The following ITGAD variants were observed in gnomAD, a reference collection of about 807,000 sequenced individuals.
The protein encoded by ITGAD is integrin subunit alpha D.
A neutral mutation model predicts 139.0 loss-of-function variants in ITGAD; 105 were observed. That is an observed-to-expected ratio of 0.76 (90% CI 0.65 to 0.89). The LOEUF is 0.89. Ranked by LOEUF, ITGAD falls within the 40% of genes least tolerant of loss-of-function variation. The probability of loss-of-function intolerance (pLI) is 0.00; values close to 1 mark genes in which losing one functional copy is unlikely to be tolerated. For missense variants in ITGAD, 1,384 were observed against 1,487.3 expected (o/e 0.93, Z 1.14); for synonymous variants, 569 against 598.3 (o/e 0.95, Z 0.71).
In ITGAD at chr16:31,410,433, G is replaced by C; in HGVS notation, c.1122G>C (p.Trp374Cys). 6.2e-7 allele frequency: 1 copy of C among 1,613,996 alleles called. No homozygotes were observed. Among genetic ancestry groups the C allele is most frequent in the Non-Finnish European group, 8.5e-7 (1 of 1,179,976 alleles). Residue 374 changes from tryptophan (W) to cysteine (C), a missense_variant, in exon 11 of 30, where the codon TGG (tryptophan) becomes TGC (cysteine). Transcript: ENST00000389202. ...LFLGAVGSFSWSGGAFLYPPN... is the reference protein window; with the variant it reads ...LFLGAVGSFSCSGGAFLYPPN... ...TGGGGGCTGTGGGGAGCTTTAGCTG[G>C]TCTGGAGGTGCCTTCCTGTATCCCC...
At chr16:31,408,529 CT>C in intron 10 of ITGAD, 31 bp downstream of exon 10, 1 of 1,581,768 alleles carries the variant, frequency 6.3e-7, no homozygotes, top group Non-Finnish European at 8.7e-7. Flanking sequence ...ATCCATAGCT[CT>C]TGGATACCAA....
chr16:31,411,165 C>A lies in ITGAD; in HGVS notation c.1446C>A (p.Tyr482Ter). Residue 482 changes from tyrosine to a stop codon, truncating the protein, a stop_gained, in exon 13 of 30, where the codon TAC (tyrosine) becomes TAA (stop). Coordinates refer to ENST00000389202, the MANE Select transcript of ITGAD (RefSeq NM_005353.3). LOFTEE classifies it high-confidence loss of function. ...TDLILIGAPHYYEQTRGGQVS... is the reference protein window; with the variant it reads ...TDLILIGAPH Reference sequence around the variant, plus strand: ...TGATCCTCATTGGGGCCCCCCATTACTATGAGCAGACCCGAGGGGGCCAGG... The same window carrying A: ...TGATCCTCATTGGGGCCCCCCATTAATATGAGCAGACCCGAGGGGGCCAGG... 2.5e-6 allele frequency: 4 copies of A among 1,613,918 alleles called. No individual in the cohort carries two copies. Among genetic ancestry groups the A allele is most frequent in the Non-Finnish European group, 3.4e-6 (4 of 1,179,922 alleles).
At chr16:31,397,691 GGGGGTGGGGTGGGGC>G in intron 4 of ITGAD, 25 bp downstream of exon 4, 9 of 1,541,446 alleles carry the variant, frequency 5.8e-6, no homozygotes, top group Non-Finnish European at 7.9e-6. Context: ...TGGGCCACGG[GGGGGTGGGGTGGGGC>G]GGGGGGTGTT....
chr16:31,424,105 T>C lies in ITGAD; in HGVS notation c.3163T>C (p.Leu1055=), dbSNP rs1460990209. ...NLSFGWVRET[L]QKKVLVVSVA... ...GTTTCCCCCAACCCCTTTGCAGACA[T>C]TGCAGAAGAAGGTGTTGGTCGTGAG... Residue 1055 remains leucine, a synonymous_variant, in exon 28 of 30, where the codon TTG becomes CTG. Transcript: ENST00000389202. The C allele has an allele frequency of 1.9e-6, 3 of 1,614,196 alleles. No homozygotes were observed. The highest frequency in any genetic ancestry group is 2.5e-6 in the Non-Finnish European group (3 of 1,180,028).
intron 10 of ITGAD, among the ~76,000 whole-genome samples, chr16:31,408,986 CGT>C: frequency 6.6e-6 from 1 of 152,084 alleles, no homozygotes; most frequent in East Asian, 1.9e-4. Context: ...TTTGGAAGTG[CGT>C]GTGTGTTCAA....
At chr16:31,395,388 C>A (rs997385523) in intron 2 of ITGAD, among the ~76,000 whole-genome samples, 40 of 152,236 alleles carry the variant, frequency 2.6e-4, no homozygotes, top group Middle Eastern at 3.4e-3. Flanking sequence ...GCAGCCCCAC[C>A]TCCCACCGCC....
chr16:31,400,083 A>T (rs2081366139), intron 5 of ITGAD, among the ~76,000 whole-genome samples: 1 of 152,222 alleles, frequency 6.6e-6, no homozygotes, highest in Admixed American at 6.5e-5. Flanking sequence ...TTTGCCACAG[A>T]CCTGGCCTGA....
chr16:31,409,746 C>CA (rs2081632214), intron 10 of ITGAD, among the ~76,000 whole-genome samples: 1 of 150,904 alleles, frequency 6.6e-6, no homozygotes, highest in Non-Finnish European at 1.5e-5. Flanking sequence ...CCTGTCTCTA[C>CA]AAAAAATAAA....
chr16:31,425,951 G>T, intron 29 of ITGAD, 64 bp from the exon 30 acceptor site: 1 of 1,046,244 alleles, frequency 9.6e-7, no homozygotes, highest in Non-Finnish European at 1.5e-6. Flanking sequence ...ACAGTGCTGA[G>T]ATTACAGGTG....
intron 23 of ITGAD, among the ~76,000 whole-genome samples, chr16:31,422,219 C>T (rs1401699305): frequency 2.6e-5 from 4 of 151,882 alleles, no homozygotes; most frequent in Non-Finnish European, 4.4e-5. Context: ...GGATTACAGG[C>T]GTGAGCCACC....
At chr16:31,412,776 T>C in intron 14 of ITGAD, 62 bp from the exon 15 acceptor site, 1 of 1,605,536 alleles carries the variant, frequency 6.2e-7, no homozygotes, top group South Asian at 1.1e-5. Context: ...TTCCCCTTGT[T>C]ACTTATTTCC....
chr16:31,408,469 C>T lies in ITGAD; in HGVS notation c.1054C>T (p.Gln352Ter), dbSNP rs2081595886. 2 of 1,613,944 alleles carry T rather than the reference C, an allele frequency of 1.2e-6. No homozygotes were observed. Among genetic ancestry groups the T allele is most frequent in the Admixed American group, 1.7e-5 (1 of 59,990 alleles). The change falls in exon 10 of 30, where the codon CAA becomes TAA. Residue 352 changes from glutamine (Q) to a stop codon, truncating the protein, a stop_gained. Coordinates refer to ENST00000389202, the MANE Select transcript of ITGAD (RefSeq NM_005353.3). LOFTEE classifies it high-confidence loss of function. Reference sequence around the variant, plus strand: ...CAGCTCCTTCCAGCACGAGATGTCCCAAGAAGGCTTCAGCACAGCCCTCAC... The same window carrying T: ...CAGCTCCTTCCAGCACGAGATGTCCTAAGAAGGCTTCAGCACAGCCCTCAC... ...ASSSFQHEMS[Q>*]EGFSTALTMD... is the part of the protein sequence containing the mutation.
chr16:31,407,831 G>T lies in ITGAD; in HGVS notation c.924G>T (p.Pro308=). 4 of 1,612,432 alleles carry T rather than the reference G, an allele frequency of 2.5e-6. No homozygotes were observed. Among genetic ancestry groups the T allele is most frequent in the Non-Finnish European group, 8.5e-7 (1 of 1,178,558 alleles). ...QELNTISSAP[P]QDHVFKVDNF... is the part of the protein sequence containing the mutation. ...TGAATACCATCAGCTCAGCGCCTCC[G>T]CAGGACCACGTGTTCAAGGTGGACA... Residue 308 remains proline, a synonymous_variant, in exon 9 of 30, where the codon CCG becomes CCT. Transcript: ENST00000389202.
intron 20 of ITGAD, 110 bp from the exon 21 acceptor site, chr16:31,417,965 A>C (rs553262503): frequency 5.7e-6 from 5 of 875,440 alleles, no homozygotes; most frequent in Non-Finnish European, 9.1e-6. Context: ...ACAACAACAA[A>C]AAAAGAAAAG....
intron 10 of ITGAD, 177 bp downstream of exon 10, chr16:31,408,675 T>G: frequency 1.7e-6 from 1 of 586,416 alleles, no homozygotes; most frequent in Non-Finnish European, 3.0e-6. Flanking sequence ...TAGCCTGGGT[T>G]CCTGCTCTCA....
intron 17 of ITGAD, 127 bp from the exon 18 acceptor site, chr16:31,414,733 C>A: frequency 6.5e-7 from 1 of 1,545,048 alleles, no homozygotes; most frequent in Non-Finnish European, 8.8e-7. Flanking sequence ...GACATTAGGG[C>A]AGGAGAACCT....
chr16:31,415,032 T>C (rs1201092050), intron 18 of ITGAD, 41 bp downstream of exon 18: 4 of 1,610,740 alleles, frequency 2.5e-6, no homozygotes, highest in Non-Finnish European at 3.4e-6. Flanking sequence ...GCTGACTTCA[T>C]TTTGTCTCCA....
Position 31,397,808 on chromosome 16 carries a change from C to G in ITGAD, c.326C>G (p.Thr109Ser). 2 of 1,613,350 alleles carry G rather than the reference C, an allele frequency of 1.2e-6. No individual in the cohort carries two copies. Among genetic ancestry groups the G allele is most frequent in the Non-Finnish European group, 1.7e-6 (2 of 1,179,882 alleles). ...NGSRLLACGP[T>S]LHRVCGENSY... ...TTCTGCCTCCAGGCCTGTGGCCCGA[C>G]CCTGCACAGAGTCTGTGGGGAGAAC... The change falls in exon 5 of 30, where the codon ACC becomes AGC. Residue 109 changes from threonine (T) to serine (S), a missense_variant. Thr to Ser is a moderately conservative substitution (Grantham distance 58). Transcript: ENST00000389202.
At position 31,397,791 on chromosome 16, in the gene ITGAD, C is replaced by T. The variant is rs754943018; in HGVS notation, c.313-4C>T. 1 of 1,611,114 alleles carries T rather than the reference C, an allele frequency of 6.2e-7. No homozygotes were observed. The highest frequency in any genetic ancestry group is 1.1e-5 in the South Asian group (1 of 90,988). On this transcript the variant is annotated splice_region_variant and splice_polypyrimidine_tract_variant and intron_variant, in intron 4 of 29. Transcript: ENST00000389202. ...ACTCCTGGCTCACAGGCTTCTGCCTCCAGGCCTGTGGCCCGACCCTGCACA... is the reference window on the plus strand; with the variant it reads ...ACTCCTGGCTCACAGGCTTCTGCCTTCAGGCCTGTGGCCCGACCCTGCACA...
Sources: gnomAD v4.1 joint callset for allele counts (sites outside exome capture counted in the v4.1 genomes callset) on GRCh38, gnomAD v4.1.1 for gene constraint, MANE v1.5 for transcripts, NCBI Gene and HGNC (gene_info 2026-07-23, HGNC 2026-07-21) for gene names.